The following LILRB1 variants were observed in gnomAD, a reference collection of about 807,000 sequenced individuals.
The protein encoded by LILRB1 is leukocyte immunoglobulin-like receptor subfamily B member 1.
A neutral mutation model predicts 74.6 loss-of-function variants in LILRB1; 59 were observed. The ratio of observed to expected loss-of-function variants is 0.79; its 90% CI spans 0.64 to 0.98. The LOEUF (loss-of-function observed/expected upper bound fraction) is 0.98, where lower values mean the gene tolerates loss of function less well. Among genes scored for constraint, LILRB1 ranks in the 50% least tolerant of loss-of-function variants. LILRB1 has a pLI of 0.00. For synonymous variants in LILRB1, 328 were observed against 333.9 expected (o/e 0.98, Z 0.19); for missense variants, 804 against 822.6 (o/e 0.98, Z 0.28).
rs759124371 is a variant in LILRB1, at chr19:54,633,948, C to G, written c.1313-23C>G. 10 of 1,579,750 alleles carry G rather than the reference C, an allele frequency of 6.3e-6. No homozygotes were observed. In the East Asian group the frequency reaches 2.3e-4, roughly 36 times the overall value. ...TGTGGGGAGCAGGGCAGCCCCAGCCCTCACCTCCCCGTCCTGACCCAGCAG... is the reference window on the plus strand; with the variant it reads ...TGTGGGGAGCAGGGCAGCCCCAGCCGTCACCTCCCCGTCCTGACCCAGCAG... On this transcript the variant is annotated intron_variant, in intron 8 of 14. Transcript: ENST00000324602.
At chr19:54,630,169 C>T (rs573246499), upstream of LILRB1, among the ~76,000 whole-genome samples, 1 of 152,402 alleles carries the variant, frequency 6.6e-6, no homozygotes, top group Admixed American at 6.5e-5. Flanking sequence ...TTCATTACCG[C>T]CCGAGGTCAC....
In LILRB1 at chr19:54,633,066, G is replaced by C; in HGVS notation, c.1009G>C (p.Ala337Pro). 1 of 1,613,934 alleles carries C rather than the reference G, an allele frequency of 6.2e-7. No individual in the cohort carries two copies. The highest frequency in any genetic ancestry group is 1.1e-5 in the South Asian group (1 of 91,056). The change falls in exon 7 of 15, where the codon GCC (alanine) becomes CCC (proline). Residue 337 changes from alanine (A) to proline (P), a missense_variant. By Grantham distance (27) the Ala-to-Pro change is conservative (BLOSUM62 -1). Transcript: ENST00000324602. ...SLSVQPGPTV[A>P]SGENVTLLCQ... ...CTCGGTGCAGCCGGGCCCCACGGTG[G>C]CCTCAGGAGAGAACGTGACCCTGCT... is the stretch of plus-strand genomic sequence containing the variant.
At chr19:54,629,030 C>G (rs529303573), upstream of LILRB1, among the ~76,000 whole-genome samples, 1 of 152,344 alleles carries the variant, frequency 6.6e-6, no homozygotes, top group South Asian at 2.1e-4. Flanking sequence ...GCCATGCACT[C>G]CAGATTGTAA....
Position 54,621,577 on chromosome 19 carries a change from TTCTG to T in LILRB1, c.-166+4229_-166+4232del, listed in dbSNP as rs547997566. On this transcript the variant is annotated intron_variant, in intron 1 of 15. Coordinates refer to the LILRB1 transcript ENST00000396331. Reference sequence around the variant, plus strand: ...TTGAATTCTTTGACTTCCTTGCAGATTCTGGACATTAGTCTTTTGTTGGAGGCAT... The same window carrying T: ...TTGAATTCTTTGACTTCCTTGCAGATGACATTAGTCTTTTGTTGGAGGCAT... 3.7e-3 allele frequency among the ~76,000 whole-genome samples: 557 copies of T among 152,232 alleles called. 4 individuals are homozygous for T. Among genetic ancestry groups the T allele is most frequent in the African/African-American group, 0.013 (530 of 41,528 alleles).
In LILRB1 at chr19:54,637,528, T is replaced by TAAAAA. The variant is rs982853962; in HGVS notation, c.*664_*668dup. ...GACAGAGGGAGACTCCATCTCAAATTAAAAAAAAAAAAAAAAAAGAAAGAA... is the reference window on the plus strand; with the variant it reads ...GACAGAGGGAGACTCCATCTCAAATTAAAAAAAAAAAAAAAAAAAAAAAGAAAGAA... On this transcript the variant is annotated 3_prime_UTR_variant, in exon 15 of 15. Transcript: ENST00000324602. The TAAAAA allele has an allele frequency of 2.3e-4, 18 of 78,706 alleles. No individual in the cohort carries two copies. Among genetic ancestry groups the TAAAAA allele is most frequent in the African/African-American group, 3.9e-4 (9 of 22,876 alleles). 4.9% of individuals were successfully genotyped at this position (78,706 alleles called of 1,614,324 possible).
chr19:54,636,767 C>T lies in LILRB1; in HGVS notation c.1848C>T (p.Tyr616=), dbSNP rs771848801. ...CTGAAGCCCCCCAGGATGTGACCTA[C>T]GCCCAGCTGCACAGCTTGACCCTCA... The part of the protein sequence containing the change: ...AASEAPQDVT[Y]AQLHSLTLRR... The change falls in exon 15 of 15, where the codon TAC becomes TAT. Residue 616 remains tyrosine (Y), a synonymous_variant. Transcript: ENST00000324602. The T allele has an allele frequency of 8.1e-6, 13 of 1,611,780 alleles. No homozygotes were observed. Among genetic ancestry groups the T allele is most frequent in the African/African-American group, 2.7e-5 (2 of 74,498 alleles).
Position 54,635,538 on chromosome 19 carries a change from C to G in LILRB1, c.1601-19C>G, listed in dbSNP as rs775232554. On this transcript the variant is annotated intron_variant, in intron 12 of 14. Coordinates refer to ENST00000324602, the MANE Select transcript of LILRB1 (RefSeq NM_001081637.3). ...AGGGAACCTTCCCAAGAGACAAACCCCTTGCTCTGCCCCAGCAGATGCTGC... is the reference window on the plus strand; with the variant it reads ...AGGGAACCTTCCCAAGAGACAAACCGCTTGCTCTGCCCCAGCAGATGCTGC... 7.5e-6 allele frequency: 12 copies of G among 1,608,036 alleles called. No homozygotes were observed. The highest frequency in any genetic ancestry group is 1.0e-5 in the Non-Finnish European group (12 of 1,176,968).
chr19:54,631,416 G>T, intron 3 of LILRB1, 84 bp from the exon 4 acceptor site: 1 of 1,608,872 alleles, frequency 6.2e-7, no homozygotes, highest in Non-Finnish European at 8.5e-7. Flanking sequence ...TGATGGGGGC[G>T]TCTGGAGGGT....
At chr19:54,633,862 T>TG (rs1268585673) in intron 8 of LILRB1, 109 bp from the exon 9 acceptor site, 9 of 1,465,596 alleles carry the variant, frequency 6.1e-6, no homozygotes, top group African/African-American at 1.4e-5. Flanking sequence ...TGGTGAGGGG[T>TG]GGGGGGTCAA....
intron 1 of LILRB1, among the ~76,000 whole-genome samples, chr19:54,619,399 G>A (rs1221934109): frequency 6.6e-6 from 1 of 152,122 alleles, no homozygotes; most frequent in Non-Finnish European, 1.5e-5. Flanking sequence ...TCATTCTACA[G>A]ATGGGTCTTT....
chr19:54,630,059 G>T (rs2063719478), upstream of LILRB1, among the ~76,000 whole-genome samples: 1 of 152,282 alleles, frequency 6.6e-6, no homozygotes, highest in African/African-American at 2.4e-5. Context: ...GCACAAATGA[G>T]CCCCTCCTAA....
At position 54,636,797 on chromosome 19, in the gene LILRB1, G is replaced by A. The variant is rs2064478936; in HGVS notation, c.1878G>A (p.Arg626=). The part of the protein sequence containing the change: ...YAQLHSLTLR[R]EATEPPPSQE... Reference sequence around the variant, plus strand: ...AGCTGCACAGCTTGACCCTCAGACGGGAGGCAACTGAGCCTCCTCCATCCC... The same window carrying A: ...AGCTGCACAGCTTGACCCTCAGACGAGAGGCAACTGAGCCTCCTCCATCCC... Residue 626 remains arginine (R), a synonymous_variant, in exon 15 of 15, where the codon CGG becomes CGA. Transcript: ENST00000324602. 2 of 1,613,222 alleles carry A rather than the reference G, an allele frequency of 1.2e-6. No individual in the cohort carries two copies. Among genetic ancestry groups the A allele is most frequent in the Non-Finnish European group, 1.7e-6 (2 of 1,179,480 alleles).
At position 54,637,949 on chromosome 19, in the gene LILRB1, ATG is replaced by A. The variant is rs56837969; in HGVS notation, c.*1085_*1086del. 3.0e-3 allele frequency among the ~76,000 whole-genome samples: 455 copies of A among 151,934 alleles called. 3 individuals are homozygous for A. Among genetic ancestry groups the A allele is most frequent in the African/African-American group, 8.0e-3 (332 of 41,450 alleles). On this transcript the variant is annotated 3_prime_UTR_variant, in exon 15 of 15. Coordinates refer to ENST00000324602, the MANE Select transcript of LILRB1 (RefSeq NM_001081637.3). ...AATCAGAGAATCTGACTCATTTTAGATGTGTGTGTGTGTGTATATATATGTGT... is the reference window on the plus strand; with the variant it reads ...AATCAGAGAATCTGACTCATTTTAGATGTGTGTGTGTGTATATATATGTGT...
intron 1 of LILRB1, among the ~76,000 whole-genome samples, chr19:54,618,124 GA>G (rs1371479349): frequency 3.5e-4 from 49 of 141,330 alleles, no homozygotes; most frequent in Non-Finnish European, 2.9e-4. Context: ...AAGAAAAAAA[GA>G]AAAAAAGAAA....
In LILRB1 at chr19:54,631,697, T is replaced by G. The variant is rs2063869690; in HGVS notation, c.268T>G (p.Trp90Gly). 4 of 1,614,158 alleles carry G rather than the reference T, an allele frequency of 2.5e-6. No homozygotes were observed. The highest frequency in any genetic ancestry group is 1.3e-5 in the African/African-American group (1 of 74,964). ...KGQFPIPSIT[W>G]EHTGRYRCYY... is the part of the protein sequence containing the mutation. ...CCAGTTCCCCATCCCATCCATCACC[T>G]GGGAACACACAGGGCGGTATCGCTG... is the stretch of plus-strand genomic sequence containing the variant. The change falls in exon 4 of 15, where the codon TGG becomes GGG. Residue 90 changes from tryptophan (W) to glycine (G), a missense_variant. Transcript: ENST00000324602.
chr19:54,634,369 G>GGGCTC (rs2064200517), intron 9 of LILRB1: 1 of 1,539,016 alleles, frequency 6.5e-7, no homozygotes, highest in South Asian at 1.2e-5. Flanking sequence ...TGCAGCTCCG[G>GGGCTC]GGCTCGGCTC....
At chr19:54,629,563 G>A (rs1267740091), upstream of LILRB1, among the ~76,000 whole-genome samples, 1 of 152,186 alleles carries the variant, frequency 6.6e-6, no homozygotes, top group African/African-American at 2.4e-5. Flanking sequence ...AATCCCAGCA[G>A]CTCTGTCACT....
chr19:54,630,817 G>T, intron 1 of LILRB1, 184 bp downstream of exon 1: 1 of 746,422 alleles, frequency 1.3e-6, no homozygotes, highest in Non-Finnish European at 2.3e-6. Context: ...CCAGACAGAC[G>T]GTGGCTGGGG....
At chr19:54,617,330 T>C (rs1173706762) in exon 1 of LILRB1, 1 of 152,174 alleles carries the variant, frequency 6.6e-6, no homozygotes, top group East Asian at 1.9e-4. Flanking sequence ...ATTATGGTCT[T>C]TGTGCACATT....
Sources: allele counts gnomAD v4.1 joint callset (sites outside exome capture counted in the v4.1 genomes callset), GRCh38; gene constraint gnomAD v4.1.1; transcripts MANE v1.5; gene names NCBI Gene and HGNC (gene_info 2026-07-23, HGNC 2026-07-21).